RIOX1: variants seen among roughly 807,000 people sequenced by gnomAD.
RIOX1 encodes ribosomal oxygenase 1, also known as 60S ribosomal protein L8 histidine hydroxylase.
In RIOX1, 33 loss-of-function variants were observed where a neutral mutation model predicts 44.6. That is an observed-to-expected ratio of 0.74 (90% CI 0.56 to 0.99). RIOX1 has a LOEUF of 0.99. Ranked by LOEUF, RIOX1 falls within the 50% of genes least tolerant of loss-of-function variation. The pLI, the probability that RIOX1 is intolerant of heterozygous loss-of-function variation, is 0.00. For synonymous variants in RIOX1, 387 were observed against 395.8 expected, an observed-to-expected ratio of 0.98 and a Z score of 0.26; for missense variants, 821 against 871.7, an observed-to-expected ratio of 0.94 and a Z score of 0.73.
chr14:73,492,119 G>T lies in RIOX1; in HGVS notation c.1102G>T (p.Glu368Ter). ...ATACCGACCCCGAGTCCCAACCGAG[G>T]AACTGGCTCTGACATCCAGCCCCAA... Reference protein sequence around the residue: ...RVYRPRVPTEELALTSSPNFS... With the variant: ...RVYRPRVPTE The change falls in exon 1 of 1, where the codon GAA (glutamate) becomes TAA (stop). Residue 368 changes from glutamate (E) to a stop codon, truncating the protein, a stop_gained. Coordinates refer to ENST00000304061, the MANE Select transcript of RIOX1 (RefSeq NM_024644.5). LOFTEE classifies it high-confidence loss of function. This position sits in a 1 kb window ranked among gnomAD's most constrained non-coding sequence, Gnocchi z 4.9. The T allele has an allele frequency of 6.2e-7, 1 of 1,613,936 alleles. No individual in the cohort carries two copies. Among genetic ancestry groups the T allele is most frequent in the Non-Finnish European group, 8.5e-7 (1 of 1,179,838 alleles).
In RIOX1 at chr14:73,492,572, A is replaced by G. The variant is rs1304223106; in HGVS notation, c.1555A>G (p.Arg519Gly). 1 of 1,613,830 alleles carries G rather than the reference A, an allele frequency of 6.2e-7. No homozygotes were observed. The highest frequency in any genetic ancestry group is 8.5e-7 in the Non-Finnish European group (1 of 1,179,850). The change falls in exon 1 of 1, where the codon AGG (arginine) becomes GGG (glycine). Residue 519 changes from arginine to glycine, a missense_variant. By Grantham distance (125) the Arg-to-Gly change is moderately radical. This residue lies in a region of RIOX1 where 267 missense variants were observed against 340.5 expected (regional missense o/e 0.78). Transcript: ENST00000304061. The surrounding 1 kb of genome is among the most constrained non-coding windows in gnomAD (Gnocchi z 4.9). ...SLPPVLTDRE[R>G]ALSVYGLPIR... ...GCCCCCTGTTTTGACTGATAGGGAG[A>G]GGGCACTAAGTGTTTACGGGCTTCC... is the stretch of plus-strand genomic sequence containing the variant.
rs1885747671 is a variant in RIOX1, at chr14:73,491,596, C to T, written c.579C>T (p.Asn193=). Residue 193 remains asparagine (N), a synonymous_variant, in exon 1 of 1, where the codon AAC becomes AAT. Coordinates refer to ENST00000304061, the MANE Select transcript of RIOX1 (RefSeq NM_024644.5). The part of the protein sequence containing the change: ...SPLRRVLAEL[N]RIPSSRRRAA... The stretch of plus-strand genomic sequence containing the variant: ...TGCGGCGCGTCTTGGCCGAGCTGAA[C>T]CGCATCCCCAGCAGCCGGCGGCGAG... The T allele has an allele frequency of 1.9e-6, 3 of 1,546,372 alleles. No individual in the cohort carries two copies. Among genetic ancestry groups the T allele is most frequent in the African/African-American group, 2.7e-5 (2 of 72,960 alleles).
rs199717657 is a variant in RIOX1, at chr14:73,492,802, G to A, written c.1785G>A (p.Met595Ile). ...LEIYPQQADA[M>I]ELLLGSYPEF... Reference sequence around the variant, plus strand: ...TATACCCCCAGCAAGCTGATGCCATGGAACTGTTGCTTGGTTCTTATCCAG... The same window carrying A: ...TATACCCCCAGCAAGCTGATGCCATAGAACTGTTGCTTGGTTCTTATCCAG... Residue 595 changes from methionine (M) to isoleucine (I), a missense_variant, in exon 1 of 1, where the codon ATG becomes ATA. Met to Ile is a conservative substitution (Grantham distance 10, BLOSUM62 1). Around this residue, in one of 2 missense-constraint regions of RIOX1, gnomAD observed 267 missense variants for 340.5 expected, o/e 0.78. Transcript: ENST00000304061. The surrounding 1 kb of genome is among the most constrained non-coding windows in gnomAD (Gnocchi z 4.9). 6.7e-5 allele frequency: 108 copies of A among 1,613,970 alleles called. 1 individual carries two copies. In the African/African-American group the frequency reaches 1.2e-3, roughly 18 times the overall value.
Position 73,493,118 on chromosome 14 carries a change from A to C in RIOX1, c.*175A>C. ...CTCGGAAGGTCTTCTAGGAAGAACC[A>C]TCTCATCTAGGTACAAAAGGAAAAG... On this transcript the variant is annotated 3_prime_UTR_variant, in exon 1 of 1. Coordinates refer to ENST00000304061, the MANE Select transcript of RIOX1 (RefSeq NM_024644.5). The C allele has an allele frequency of 3.7e-6, 6 of 1,612,698 alleles. No homozygotes were observed. The highest frequency in any genetic ancestry group is 5.1e-6 in the Non-Finnish European group (6 of 1,179,736).
rs1885765426 is a variant in RIOX1, at chr14:73,491,747, A to C, written c.730A>C (p.Thr244Pro). The change falls in exon 1 of 1, where the codon ACC becomes CCC. Residue 244 changes from threonine (T) to proline (P), a missense_variant. Around this residue, in one of 2 missense-constraint regions of RIOX1, gnomAD observed 554 missense variants for 531.2 expected, o/e 1.04. Transcript: ENST00000304061. ...DHTYYQGLFS[T>P]ADLDSMLRNE... The stretch of plus-strand genomic sequence containing the variant: ...CACCTACTACCAGGGACTTTTCTCT[A>C]CCGCTGACCTGGATTCGATGCTGCG... The C allele has an allele frequency of 6.4e-7, 1 of 1,557,090 alleles. No individual in the cohort carries two copies. The highest frequency in any genetic ancestry group is 8.7e-7 in the Non-Finnish European group (1 of 1,150,732).
rs1334516271 is a variant in RIOX1 at position 73,491,919 on chromosome 14, C to T, written c.902C>T (p.Pro301Leu). 1 of 1,613,306 alleles carries T rather than the reference C, an allele frequency of 6.2e-7. No individual in the cohort carries two copies. The highest frequency in any genetic ancestry group is 8.5e-7 in the Non-Finnish European group (1 of 1,179,690). Residue 301 changes from proline to leucine, a missense_variant, in exon 1 of 1, where the codon CCG becomes CTG. Pro to Leu is a moderately conservative substitution (Grantham distance 98). This residue lies in a region of RIOX1 where 554 missense variants were observed against 531.2 expected (regional missense o/e 1.04). Transcript: ENST00000304061. ...GGCTGCTCCCTGCGTCTCCTCTGTC[C>T]GCAGGCTTTCTCTACTACTGTGTGG... ...QAGCSLRLLC[P>L]QAFSTTVWQF...
In RIOX1 at chr14:73,491,605, C is replaced by T. The variant is rs1885748373; in HGVS notation, c.588C>T (p.Pro196=). ...RRVLAELNRI[P]SSRRRAARLF... ...TCTTGGCCGAGCTGAACCGCATCCC[C>T]AGCAGCCGGCGGCGAGCGGCCCGCC... The change falls in exon 1 of 1, where the codon CCC becomes CCT. Residue 196 remains proline (P), a synonymous_variant. Transcript: ENST00000304061. 2 of 1,547,134 alleles carry T rather than the reference C, an allele frequency of 1.3e-6. No individual in the cohort carries two copies. Among genetic ancestry groups the T allele is most frequent in the South Asian group, 1.2e-5 (1 of 83,810 alleles).
Position 73,491,338 on chromosome 14 carries a change from G to A in RIOX1, c.321G>A (p.Glu107=). Reference sequence around the variant, plus strand: ...ACCTGGGGCCCGCAGAGCTGCTGGAGGCCTCGCCCGCCGCGCGCTCCCTGC... The same window carrying A: ...ACCTGGGGCCCGCAGAGCTGCTGGAAGCCTCGCCCGCCGCGCGCTCCCTGC... ...YGHLGPAELL[E]ASPAARSLQT... Residue 107 remains glutamate (E), a synonymous_variant, in exon 1 of 1, where the codon GAG becomes GAA. Coordinates refer to ENST00000304061, the MANE Select transcript of RIOX1 (RefSeq NM_024644.5). The A allele has an allele frequency of 2.8e-6, 4 of 1,450,708 alleles. No individual in the cohort carries two copies. The highest frequency in any genetic ancestry group is 2.8e-5 in the South Asian group (2 of 71,894). 89.9% of individuals were successfully genotyped at this position (1,450,708 alleles called of 1,614,324 possible). A position where few individuals can be genotyped will look rare whatever the true frequency, so the allele number is the denominator to read the frequency against.
rs764559814 is a variant in RIOX1 at position 73,491,005 on chromosome 14, G to A, written c.-13G>A. ...CCGGCCGGCCGGGCGGGGAAGACTG[G>A]TGTGGTCTGGCCATGGATGGGCTCC... On this transcript the variant is annotated 5_prime_UTR_variant, in exon 1 of 1. It adds an upstream start codon to the 5' untranslated region. Coordinates refer to ENST00000304061, the MANE Select transcript of RIOX1 (RefSeq NM_024644.5). 3.5e-6 allele frequency: 5 copies of A among 1,411,022 alleles called. No individual in the cohort carries two copies. The allele number at this position is 1,411,022 out of a possible 1,614,324, so 87.4% of individuals were successfully genotyped here.
chr14:73,491,584 G>T lies in RIOX1; in HGVS notation c.567G>T (p.Leu189Phe), dbSNP rs1026395158. Residue 189 changes from leucine (L) to phenylalanine (F), a missense_variant, in exon 1 of 1, where the codon TTG (leucine) becomes TTT (phenylalanine). Leu to Phe is a conservative substitution (Grantham distance 22). Around this residue, in one of 2 missense-constraint regions of RIOX1, gnomAD observed 554 missense variants for 531.2 expected, o/e 1.04. Transcript: ENST00000304061. ...PAWDSPLRRV[L>F]AELNRIPSSR... ...GGGACTCCCCGCTGCGGCGCGTCTT[G>T]GCCGAGCTGAACCGCATCCCCAGCA... 2 of 1,544,538 alleles carry T rather than the reference G, an allele frequency of 1.3e-6. No individual in the cohort carries two copies. Among genetic ancestry groups the T allele is most frequent in the African/African-American group, 1.4e-5 (1 of 72,936 alleles).
rs761481587 is a variant in RIOX1, at chr14:73,491,690, C to A, written c.673C>A (p.Arg225Ser). Reference protein sequence around the residue: ...PDHFYRRLWEREAVLVRRQDH... With the variant: ...PDHFYRRLWESEAVLVRRQDH... The stretch of plus-strand genomic sequence containing the variant: ...TCACTTTTACCGGCGCCTATGGGAG[C>A]GCGAGGCGGTGCTGGTGCGGCGGCA... Residue 225 changes from arginine to serine, a missense_variant, in exon 1 of 1, where the codon CGC becomes AGC. Physicochemically the swap from Arg to Ser is moderately radical, Grantham distance 110 (BLOSUM62 -1). Transcript: ENST00000304061. 6.5e-7 allele frequency: 1 copy of A among 1,549,724 alleles called. No individual in the cohort carries two copies. Among genetic ancestry groups the A allele is most frequent in the Admixed American group, 2.0e-5 (1 of 50,992 alleles).
In RIOX1 at chr14:73,492,939, AT is replaced by A; in HGVS notation, c.1924del (p.Ter642SerfsTer33). The stretch of plus-strand genomic sequence containing the variant: ...CTCACTAAGATGCCTCTAGCCCTAA[AT>A]TAGTTTCTTGTTGATTGCTGGAAAC... ...LLLTKMPLALN is the reference protein window; with the variant it reads ...LLLTKMPLALX On this transcript the variant is annotated frameshift_variant, in exon 1 of 1. Transcript: ENST00000304061. LOFTEE classifies it high-confidence loss of function. This position sits in a 1 kb window ranked among gnomAD's most constrained non-coding sequence, Gnocchi z 4.9. 1 of 1,611,582 alleles carries A rather than the reference AT, an allele frequency of 6.2e-7. No individual in the cohort carries two copies. The highest frequency in any genetic ancestry group is 8.5e-7 in the Non-Finnish European group (1 of 1,178,900).
At position 73,493,203 on chromosome 14, in the gene RIOX1, A is replaced by G. The variant is rs758270104; in HGVS notation, c.*260A>G. 1.7e-5 allele frequency: 20 copies of G among 1,153,216 alleles called. No homozygotes were observed. Among genetic ancestry groups the G allele is most frequent in the Non-Finnish European group, 2.6e-5 (20 of 764,866 alleles). The allele number at this position is 1,153,216 out of a possible 1,614,324, so 71.4% of individuals were successfully genotyped here. On this transcript the variant is annotated 3_prime_UTR_variant, in exon 1 of 1. Coordinates refer to ENST00000304061, the MANE Select transcript of RIOX1 (RefSeq NM_024644.5). ...GTGATCATTTCAGAGCACCAACTTC[A>G]TCACCTTCAGGCTTCAGTGTACTGG...
In RIOX1 at chr14:73,491,956, T is replaced by C; in HGVS notation, c.939T>C (p.Ala313=). Residue 313 remains alanine (A), a synonymous_variant, in exon 1 of 1, where the codon GCT becomes GCC. Transcript: ENST00000304061. ...AFSTTVWQFL[A]VLQEQFGSMA... ...CTACTACTGTGTGGCAGTTTTTGGCTGTGCTTCAAGAGCAGTTTGGAAGCA... is the reference window on the plus strand; with the variant it reads ...CTACTACTGTGTGGCAGTTTTTGGCCGTGCTTCAAGAGCAGTTTGGAAGCA... The C allele has an allele frequency of 6.2e-7, 1 of 1,613,942 alleles. No individual in the cohort carries two copies. Among genetic ancestry groups the C allele is most frequent in the Non-Finnish European group, 8.5e-7 (1 of 1,179,852 alleles).
At position 73,493,018 on chromosome 14, in the gene RIOX1, T is replaced by C; in HGVS notation, c.*75T>C. 12 of 1,315,146 alleles carry C rather than the reference T, an allele frequency of 9.1e-6. No individual in the cohort carries two copies. The highest frequency in any genetic ancestry group is 1.3e-5 in the Non-Finnish European group (12 of 942,022). 81.5% of individuals were successfully genotyped at this position (1,315,146 alleles called of 1,614,324 possible). A position where few individuals can be genotyped will look rare whatever the true frequency, so the allele number is the denominator to read the frequency against. ...TGCTACCTTTTTTTTTTTTTTTTCC[T>C]TAAACTCACGTTCTTACCTTGATAA... On this transcript the variant is annotated 3_prime_UTR_variant, in exon 1 of 1. Coordinates refer to ENST00000304061, the MANE Select transcript of RIOX1 (RefSeq NM_024644.5).
chr14:73,493,390 A>C lies in RIOX1; in HGVS notation c.*447A>C, dbSNP rs1885916442. 1.0e-5 allele frequency: 4 copies of C among 401,156 alleles called. No homozygotes were observed. The East Asian group carries it at 1.8e-4, about 19-fold the overall frequency. 24.8% of individuals were successfully genotyped at this position (401,156 alleles called of 1,614,324 possible). A position where few individuals can be genotyped will look rare whatever the true frequency, so the allele number is the denominator to read the frequency against. ...AGAAAAGTTATTAAAGTGCCAAAGA[A>C]TGTTTCCCTTTCCTAAGGCTAGATT... On this transcript the variant is annotated 3_prime_UTR_variant, in exon 1 of 1. Coordinates refer to ENST00000304061, the MANE Select transcript of RIOX1 (RefSeq NM_024644.5).
chr14:73,491,909 C>T lies in RIOX1; in HGVS notation c.892C>T (p.Leu298Phe). The change falls in exon 1 of 1, where the codon CTC becomes TTC. Residue 298 changes from leucine to phenylalanine, a missense_variant. Coordinates refer to ENST00000304061, the MANE Select transcript of RIOX1 (RefSeq NM_024644.5). ...SLYQAGCSLR[L>F]LCPQAFSTTV... Reference sequence around the variant, plus strand: ...GTACCAGGCCGGCTGCTCCCTGCGTCTCCTCTGTCCGCAGGCTTTCTCTAC... The same window carrying T: ...GTACCAGGCCGGCTGCTCCCTGCGTTTCCTCTGTCCGCAGGCTTTCTCTAC... 1 of 1,612,932 alleles carries T rather than the reference C, an allele frequency of 6.2e-7. No homozygotes were observed. The highest frequency in any genetic ancestry group is 8.5e-7 in the Non-Finnish European group (1 of 1,179,582).
Position 73,492,654 on chromosome 14 carries a change from CAG to C in RIOX1, c.1639_1640del (p.Glu547SerfsTer14), listed in dbSNP as rs1885853156. On this transcript the variant is annotated frameshift_variant, in exon 1 of 1. Transcript: ENST00000304061. LOFTEE classifies it high-confidence loss of function. The surrounding 1 kb of genome is among the most constrained non-coding windows in gnomAD (Gnocchi z 4.9). ...GTGGGGGCCCAGTTGACAACAGAAA[CAG>C]AAGTCCATATGCTTCAGGATGGGAT... 1.9e-6 allele frequency: 3 copies of C among 1,613,976 alleles called. No homozygotes were observed. Among genetic ancestry groups the C allele is most frequent in the Non-Finnish European group, 2.5e-6 (3 of 1,179,882 alleles).
chr14:73,492,136 C>T lies in RIOX1; in HGVS notation c.1119C>T (p.Ser373=), dbSNP rs1885808990. Residue 373 remains serine, a synonymous_variant, in exon 1 of 1, where the codon TCC becomes TCT. Transcript: ENST00000304061. The surrounding 1 kb of genome is among the most constrained non-coding windows in gnomAD (Gnocchi z 4.9). ...RVPTEELALT[S]SPNFSQDDLG... is the part of the protein sequence containing the mutation. The stretch of plus-strand genomic sequence containing the variant: ...CAACCGAGGAACTGGCTCTGACATC[C>T]AGCCCCAACTTCAGTCAGGACGACC... 1.2e-6 allele frequency: 2 copies of T among 1,613,926 alleles called. No homozygotes were observed. Among genetic ancestry groups the T allele is most frequent in the Non-Finnish European group, 8.5e-7 (1 of 1,179,832 alleles).
Sources: gnomAD v4.1 joint callset for allele counts on GRCh38, gnomAD v4.1.1 for gene constraint, gnomAD v4.1.1 regional missense constraint, Gnocchi (gnomAD v3.1) non-coding constraint, MANE v1.5 for transcripts, NCBI Gene and HGNC (gene_info 2026-07-23, HGNC 2026-07-21) for gene names.